LRFN1: variants seen among roughly 807,000 people sequenced by gnomAD.
LRFN1 encodes the protein leucine-rich repeat and fibronectin type III domain-containing protein 1.
In LRFN1, 20 loss-of-function variants were observed where a neutral mutation model predicts 31.8. The ratio of observed to expected loss-of-function variants is 0.63; its 90% CI spans 0.44 to 0.91. LRFN1 has a LOEUF of 0.91. LRFN1 is among the 40% of genes least tolerant of loss of function. The pLI, the probability that LRFN1 is intolerant of heterozygous loss-of-function variation, is 0.00. For synonymous variants in LRFN1, 514 were observed against 541.3 expected (o/e 0.95, Z 0.70); for missense variants, 912 against 1,129.8 (o/e 0.81, Z 2.76).
At chr19:39,317,258 CAG>C (rs1025035030) in intron 2 of LRFN1, among the ~76,000 whole-genome samples, 5 of 152,036 alleles carry the variant, frequency 3.3e-5, no homozygotes, top group Admixed American at 2.0e-4. Context: ...AGGAAAGAGA[CAG>C]AGAGTAAGAG....
intron 1 of LRFN1, among the ~76,000 whole-genome samples, chr19:39,319,476 C>G (rs1043445716): frequency 6.6e-6 from 1 of 151,890 alleles, no homozygotes; most frequent in African/African-American, 2.4e-5. Context: ...CATACAGATA[C>G]GAGGCTGATC....
At chr19:39,320,044 C>G (rs939042420) in intron 1 of LRFN1, among the ~76,000 whole-genome samples, 3 of 148,002 alleles carry the variant, frequency 2.0e-5, no homozygotes, top group Non-Finnish European at 4.5e-5. Flanking sequence ...CAGGGCCCAT[C>G]TGTCCATTTC....
chr19:39,318,086 C>A (rs2075177196), intron 2 of LRFN1, among the ~76,000 whole-genome samples: 1 of 152,116 alleles, frequency 6.6e-6, no homozygotes, highest in Admixed American at 6.5e-5. Context: ...TGGCCTGAAA[C>A]CCCCCACCTG....
intron 2 of LRFN1, among the ~76,000 whole-genome samples, chr19:39,317,641 T>G (rs975218725): frequency 2.0e-5 from 3 of 152,174 alleles, no homozygotes; most frequent in Non-Finnish European, 4.4e-5. Context: ...CTCCCCACTG[T>G]GTGACTTTAA....
chr19:39,319,787 C>T (rs1869756741), intron 1 of LRFN1, among the ~76,000 whole-genome samples: 1 of 152,110 alleles, frequency 6.6e-6, no homozygotes, highest in African/African-American at 2.4e-5. Flanking sequence ...CTCCACACCC[C>T]CAAAAAACCA....
chr19:39,316,584 A>G (rs40469), intron 2 of LRFN1, among the ~76,000 whole-genome samples: 13,758 of 152,160 alleles, frequency 0.09, 1,643 homozygotes, highest in African/African-American at 0.28. Context: ...AAAACACATC[A>G]GAGTCTTCCA....
Position 39,307,104 on chromosome 19 carries a change from G to A in LRFN1, c.*529C>T, listed in dbSNP as rs1247968448. The A allele has an allele frequency of 2.5e-6, 1 of 395,252 alleles. No individual in the cohort carries two copies. Among genetic ancestry groups the A allele is most frequent in the Non-Finnish European group, 4.5e-6 (1 of 224,378 alleles). The allele number at this position is 395,252 out of a possible 1,614,324, so 24.5% of individuals were successfully genotyped here. A position where few individuals can be genotyped will look rare whatever the true frequency, so the allele number is the denominator to read the frequency against. ...AGAGACGACAAGAGGGCGGGATAGAGACAAACGAGGGAAACAGAGAAAGGG... is the reference window on the plus strand; with the variant it reads ...AGAGACGACAAGAGGGCGGGATAGAAACAAACGAGGGAAACAGAGAAAGGG... On this transcript the variant is annotated 3_prime_UTR_variant, in exon 5 of 5. Transcript: ENST00000248668. The surrounding 1 kb of genome is among the most constrained non-coding windows in gnomAD (Gnocchi z 6.7).
Position 39,307,915 on chromosome 19 carries a change from C to T in LRFN1, c.2034G>A (p.Glu678=). 6.4e-7 allele frequency: 1 copy of T among 1,566,802 alleles called. No individual in the cohort carries two copies. Among genetic ancestry groups the T allele is most frequent in the Non-Finnish European group, 8.6e-7 (1 of 1,163,986 alleles). Residue 678 remains glutamate (E), a synonymous_variant, in exon 5 of 5, where the codon GAG becomes GAA. Transcript: ENST00000248668. This position sits in a 1 kb window ranked among gnomAD's most constrained non-coding sequence, Gnocchi z 6.7. ...GPRRSRSGAL[E]PPTSAPPTLA... ...GAGTAGGGGGCGCCGAGGTTGGTGG[C>T]TCCAGGGCGCCGGATCGGCTCCTTC...
At position 39,307,076 on chromosome 19, in the gene LRFN1, C is replaced by T. The variant is rs251913; in HGVS notation, c.*557G>A. The T allele has an allele frequency of 3.1e-3, 1,212 of 388,402 alleles. 14 individuals are homozygous for T. Among genetic ancestry groups the T allele is most frequent in the African/African-American group, 0.022 (1,085 of 48,330 alleles). The allele number at this position is 388,402 out of a possible 1,614,324, so 24.1% of individuals were successfully genotyped here. ...GGCAAATAGGGAAAGACAGGCACTA[C>T]AGAGAGACGACAAGAGGGCGGGATA... On this transcript the variant is annotated 3_prime_UTR_variant, in exon 5 of 5. Transcript: ENST00000248668. The surrounding 1 kb of genome is among the most constrained non-coding windows in gnomAD (Gnocchi z 6.7).
intron 4 of LRFN1, among the ~76,000 whole-genome samples, chr19:39,313,247 T>G (rs564590036): frequency 6.6e-6 from 1 of 152,184 alleles, no homozygotes; most frequent in Non-Finnish European, 1.5e-5. Context: ...AATGTCGCTG[T>G]AGGCTAGGCA....
rs1370018246 is a variant in LRFN1, at chr19:39,314,421, C to G, written c.916G>C (p.Gly306Arg). 1 of 1,606,388 alleles carries G rather than the reference C, an allele frequency of 6.2e-7. No homozygotes were observed. The highest frequency in any genetic ancestry group is 8.5e-7 in the Non-Finnish European group (1 of 1,177,858). The change falls in exon 4 of 5, where the codon GGG becomes CGG. Residue 306 changes from glycine (G) to arginine (R), a missense_variant. By Grantham distance (125) the Gly-to-Arg change is moderately radical. Coordinates refer to ENST00000248668, the MANE Select transcript of LRFN1 (RefSeq NM_020862.2). ...CCTTCCACCACCAGGGCCCGGCCCCCCGCCTGCCGTGTGATCAGCGGGGGC... is the reference window on the plus strand; with the variant it reads ...CCTTCCACCACCAGGGCCCGGCCCCGCGCCTGCCGTGTGATCAGCGGGGGC... ...CEPPLITRQA[G>R]GRALVVEGQA...
In LRFN1 at chr19:39,307,518, G is replaced by C. The variant is rs375959316; in HGVS notation, c.*115C>G. ...CGCCCCCTCCCGGGGACAAGGGCGC[G>C]TCTCCACTCTGGTCCAATGTCTTGG... On this transcript the variant is annotated 3_prime_UTR_variant, in exon 5 of 5. Transcript: ENST00000248668. This position sits in a 1 kb window ranked among gnomAD's most constrained non-coding sequence, Gnocchi z 6.7. 1.7e-6 allele frequency: 2 copies of C among 1,157,860 alleles called. No individual in the cohort carries two copies. The highest frequency in any genetic ancestry group is 3.2e-5 in the African/African-American group (2 of 62,108). 71.7% of individuals were successfully genotyped at this position (1,157,860 alleles called of 1,614,324 possible). A position where few individuals can be genotyped will look rare whatever the true frequency, so the allele number is the denominator to read the frequency against.
Position 39,308,362 on chromosome 19 carries a change from G to A in LRFN1, c.1587C>T (p.Ala529=), listed in dbSNP as rs1284834726. ...GDPAPCRPLR[A]HFLGGTMIIA... ...TGATCATGGTGCCGCCCAAGAAATGGGCCCTCAGCGGGCGGCAGGGCGCCG... is the reference window on the plus strand; with the variant it reads ...TGATCATGGTGCCGCCCAAGAAATGAGCCCTCAGCGGGCGGCAGGGCGCCG... The change falls in exon 5 of 5, where the codon GCC becomes GCT. Residue 529 remains alanine (A), a synonymous_variant. Transcript: ENST00000248668. This position sits in a 1 kb window ranked among gnomAD's most constrained non-coding sequence, Gnocchi z 6.2. 2.5e-6 allele frequency: 4 copies of A among 1,612,328 alleles called. No individual in the cohort carries two copies. The highest frequency in any genetic ancestry group is 1.3e-5 in the African/African-American group (1 of 74,974).
At chr19:39,311,396 C>A (rs927704704) in intron 4 of LRFN1, among the ~76,000 whole-genome samples, 12 of 152,146 alleles carry the variant, frequency 7.9e-5, no homozygotes, top group Non-Finnish European at 1.3e-4. Context: ...TTGTGAACCT[C>A]CCCCACCCCA....
rs760009961 is a variant in LRFN1 at position 39,314,952 on chromosome 19, G to A, written c.385C>T (p.Arg129Cys). 1.3e-6 allele frequency: 2 copies of A among 1,596,724 alleles called. No homozygotes were observed. The highest frequency in any genetic ancestry group is 8.5e-7 in the Non-Finnish European group (1 of 1,175,370). The change falls in exon 4 of 5, where the codon CGC becomes TGC. Residue 129 changes from arginine (R) to cysteine (C), a missense_variant. By Grantham distance (180) the Arg-to-Cys change is radical. Around this residue, in one of 2 missense-constraint regions of LRFN1, gnomAD observed 401 missense variants for 572.7 expected, o/e 0.70. Coordinates refer to ENST00000248668, the MANE Select transcript of LRFN1 (RefSeq NM_020862.2). ...CCCAGGCCGCGGAGCTGGTCGCCGC[G>A]CACCTCCGCCAGGCGGTTGCTGTCC... ...HLDSNRLAEV[R>C]GDQLRGLGNL... is the part of the protein sequence containing the mutation.
Position 39,307,508 on chromosome 19 carries a change from A to C in LRFN1, c.*125T>G. On this transcript the variant is annotated 3_prime_UTR_variant, in exon 5 of 5. Transcript: ENST00000248668. The surrounding 1 kb of genome is among the most constrained non-coding windows in gnomAD (Gnocchi z 6.7). ...GAGGCTGCCCCGCCCCCTCCCGGGG[A>C]CAAGGGCGCGTCTCCACTCTGGTCC... 4.6e-6 allele frequency: 5 copies of C among 1,076,166 alleles called. No homozygotes were observed. The highest frequency in any genetic ancestry group is 6.0e-6 in the Non-Finnish European group (5 of 828,576). The allele number at this position is 1,076,166 out of a possible 1,614,324, so 66.7% of individuals were successfully genotyped here.
intron 1 of LRFN1, among the ~76,000 whole-genome samples, chr19:39,319,426 A>G (rs1340258741): frequency 7.6e-6 from 1 of 131,666 alleles, no homozygotes; most frequent in South Asian, 2.4e-4. Context: ...GCTAACAGAT[A>G]CATACCTCAC....
Position 39,308,110 on chromosome 19 carries a change from G to T in LRFN1, c.1839C>A (p.Ser613=). The change falls in exon 5 of 5, where the codon TCC becomes TCA. Residue 613 remains serine (S), a synonymous_variant. Coordinates refer to ENST00000248668, the MANE Select transcript of LRFN1 (RefSeq NM_020862.2). This position sits in a 1 kb window ranked among gnomAD's most constrained non-coding sequence, Gnocchi z 6.2. The stretch of plus-strand genomic sequence containing the variant: ...CGACGGCGACGGCGGGGGCAGCCTG[G>T]GACTCCACCTCGCGCAGCGCCTCGT... ...DHYEALREVE[S]QAAPAVAVEA... is the part of the protein sequence containing the mutation. The T allele has an allele frequency of 6.6e-7, 1 of 1,504,168 alleles. No individual in the cohort carries two copies. The highest frequency in any genetic ancestry group is 2.2e-5 in the Admixed American group (1 of 44,864). 93.2% of individuals were successfully genotyped at this position (1,504,168 alleles called of 1,614,324 possible).
intron 4 of LRFN1, among the ~76,000 whole-genome samples, chr19:39,312,834 C>T (rs2075155641): frequency 6.6e-6 from 1 of 151,194 alleles, no homozygotes; most frequent in African/African-American, 2.4e-5. Flanking sequence ...AAAAAAACTA[C>T]TGAGATGGAG....
Sources: allele counts gnomAD v4.1 joint callset (sites outside exome capture counted in the v4.1 genomes callset), GRCh38; gene constraint gnomAD v4.1.1; regional missense constraint gnomAD v4.1.1; non-coding constraint Gnocchi (gnomAD v3.1); transcripts MANE v1.5; gene names NCBI Gene and HGNC (gene_info 2026-07-23, HGNC 2026-07-21).